Variants in AREL1 observed in about 807,000 individuals in gnomAD.
AREL1 encodes apoptosis resistant E3 ubiquitin protein ligase 1.
A neutral mutation model predicts 99.0 loss-of-function variants in AREL1; 62 were observed. The ratio of observed to expected loss-of-function variants is 0.63; its 90% CI spans 0.51 to 0.77. The LOEUF is 0.77. Among genes scored for constraint, AREL1 ranks in the 30% least tolerant of loss-of-function variants. AREL1 has a pLI of 0.00. For synonymous variants in AREL1, 380 were observed against 376.5 expected (o/e 1.01, Z -0.11); for missense variants, 879 against 1,027.6 (o/e 0.86, Z 1.98).
intron 1 of AREL1, among the ~76,000 whole-genome samples, chr14:74,708,442 C>T (rs1304167058): frequency 6.6e-6 from 1 of 152,164 alleles, no homozygotes; most frequent in Non-Finnish European, 1.5e-5. Context: ...AACTAGATCA[C>T]ACTTGGGAAG....
rs2089294237 is a variant in AREL1, at chr14:74,669,946, C to G, written c.1788+1G>C. On this transcript the variant is annotated splice_donor_variant, in intron 14 of 19. Transcript: ENST00000356357. LOFTEE classifies it high-confidence loss of function. ...TAGGAAATGCACACCCAAGATGTTACCTTGTAATGCATACGCAGTCCTATG... is the reference window on the plus strand; with the variant it reads ...TAGGAAATGCACACCCAAGATGTTAGCTTGTAATGCATACGCAGTCCTATG... The G allele has an allele frequency of 6.2e-7, 1 of 1,604,536 alleles. No homozygotes were observed. The highest frequency in any genetic ancestry group is 8.5e-7 in the Non-Finnish European group (1 of 1,174,874).
At chr14:74,684,793 A>G in intron 3 of AREL1, 113 bp from the exon 4 acceptor site, 1 of 891,346 alleles carries the variant, frequency 1.1e-6, no homozygotes, top group Non-Finnish European at 1.8e-6. Flanking sequence ...TGAGACTGTA[A>G]GACTGCCAAA....
At chr14:74,701,414 A>G (rs1161230353) in intron 1 of AREL1, among the ~76,000 whole-genome samples, 1 of 152,194 alleles carries the variant, frequency 6.6e-6, no homozygotes, top group Non-Finnish European at 1.5e-5. Flanking sequence ...CATGTCTTAC[A>G]TGGCAGCAGG....
intron 9 of AREL1, 64 bp from the exon 10 acceptor site, chr14:74,673,282 G>A (rs2089398406): frequency 6.4e-7 from 1 of 1,552,438 alleles, no homozygotes; most frequent in Admixed American, 1.7e-5. Context: ...GTCCTCCACA[G>A]CTCTATCCTG....
chr14:74,707,861 G>A (rs1309965668), intron 1 of AREL1, among the ~76,000 whole-genome samples: 3 of 151,276 alleles, frequency 2.0e-5, no homozygotes, highest in African/African-American at 7.3e-5. Flanking sequence ...GGAGGCTGAG[G>A]CGGGAGAATG....
intron 1 of AREL1, among the ~76,000 whole-genome samples, chr14:74,694,616 G>A (rs1210568416): frequency 6.6e-6 from 1 of 152,052 alleles, no homozygotes; most frequent in Non-Finnish European, 1.5e-5. Context: ...TCTATTTCTG[G>A]AGAACACATT....
At position 74,683,240 on chromosome 14, in the gene AREL1, T is replaced by A. The variant is rs2089672029; in HGVS notation, c.481+56A>T. 7 of 1,245,054 alleles carry A rather than the reference T, an allele frequency of 5.6e-6. No individual in the cohort carries two copies. In the Admixed American group the frequency reaches 1.4e-4, roughly 25 times the overall value. The allele number at this position is 1,245,054 out of a possible 1,614,324, so 77.1% of individuals were successfully genotyped here. On this transcript the variant is annotated intron_variant, in intron 5 of 19. Transcript: ENST00000356357. ...TTATTTTTAAAAAGGAAAGACAGGATGGAAAGAGAGAGAGGGAAGGAGACA... is the reference window on the plus strand; with the variant it reads ...TTATTTTTAAAAAGGAAAGACAGGAAGGAAAGAGAGAGAGGGAAGGAGACA...
chr14:74,699,666 A>G (rs1171192763), intron 1 of AREL1, among the ~76,000 whole-genome samples: 1 of 152,192 alleles, frequency 6.6e-6, no homozygotes, highest in African/African-American at 2.4e-5. Flanking sequence ...GAAATATGCC[A>G]TAGGAACTTA....
intron 1 of AREL1, among the ~76,000 whole-genome samples, chr14:74,694,570 T>C (rs1230591614): frequency 6.6e-6 from 1 of 152,216 alleles, no homozygotes; most frequent in Non-Finnish European, 1.5e-5. Flanking sequence ...TTAGTGTTTT[T>C]CAAATTCTTA....
intron 1 of AREL1, among the ~76,000 whole-genome samples, chr14:74,705,401 T>TGAA (rs2090159773): frequency 1.3e-5 from 2 of 152,156 alleles, no homozygotes; most frequent in African/African-American, 4.8e-5. Context: ...TTTCCTCTCT[T>TGAA]CAATCTAGTA....
chr14:74,708,806 C>A (rs2090230171), intron 1 of AREL1, among the ~76,000 whole-genome samples: 1 of 152,134 alleles, frequency 6.6e-6, no homozygotes, highest in South Asian at 2.1e-4. Flanking sequence ...GACTAAATGA[C>A]AAAACATGTA....
intron 5 of AREL1, among the ~76,000 whole-genome samples, chr14:74,679,844 TAATA>T (rs141206776): frequency 0.25 from 38,049 of 150,388 alleles, 5,051 homozygotes; most frequent in South Asian, 0.35. Flanking sequence ...AAGAAAATAA[TAATA>T]AATAAATAAA....
intron 17 of AREL1, among the ~76,000 whole-genome samples, chr14:74,667,073 G>A (rs1010213067): frequency 6.6e-5 from 10 of 152,076 alleles, no homozygotes. Flanking sequence ...CATAAATAAT[G>A]AGCTACTTGC....
At chr14:74,684,723 AT>A (rs1222135223) in intron 3 of AREL1, 43 bp from the exon 4 acceptor site, 2 of 1,568,490 alleles carry the variant, frequency 1.3e-6, no homozygotes, top group South Asian at 2.2e-5. Context: ...CCAGTTACAC[AT>A]TACAGCTTTT....
intron 1 of AREL1, among the ~76,000 whole-genome samples, chr14:74,708,744 C>G (rs2090229451): frequency 6.6e-6 from 1 of 152,192 alleles, no homozygotes; most frequent in Non-Finnish European, 1.5e-5. Flanking sequence ...GCAAATTGCT[C>G]AACTATTCAA....
intron 2 of AREL1, among the ~76,000 whole-genome samples, chr14:74,688,685 C>T (rs147050051): frequency 6.6e-6 from 1 of 152,266 alleles, no homozygotes; most frequent in East Asian, 1.9e-4. Context: ...CACTGCTCTA[C>T]AACAGCTCTC....
rs1317126365 is a variant in AREL1, at chr14:74,665,297, TCTCA to T, written c.2104-376_2104-373del. ...TTTTTTTTTTTTTTTTGAGACGGAG[TCTCA>T]CTGTCTCGGCTCACTGCAACCTCCA... On this transcript the variant is annotated intron_variant, in intron 17 of 19. Transcript: ENST00000356357. 4.9e-5 allele frequency among the ~76,000 whole-genome samples: 7 copies of T among 143,614 alleles called. No homozygotes were observed. The South Asian group carries it at 6.6e-4, about 13-fold the overall frequency. The allele number at this position is 143,614 out of a possible 152,430, so 94.2% of individuals were successfully genotyped here.
At position 74,664,448 on chromosome 14, in the gene AREL1, CTTTTTTTTTTT is replaced by C. The variant is rs56728679; in HGVS notation, c.2193+377_2194-375del. 6.5e-5 allele frequency among the ~76,000 whole-genome samples: 5 copies of C among 76,900 alleles called. No individual in the cohort carries two copies. In the South Asian group the frequency reaches 1.7e-3, roughly 26 times the overall value. The allele number at this position is 76,900 out of a possible 152,430, so 50.4% of individuals were successfully genotyped here. ...CCCTACTTTTTTCTTCTTTTCCTTT[CTTTTTTTTTTT>C]TTTTTTTTTTTTGAGAAAGAGTCTC... On this transcript the variant is annotated intron_variant, in intron 18 of 19. Coordinates refer to ENST00000356357, the MANE Select transcript of AREL1 (RefSeq NM_001039479.2).
chr14:74,684,616 T>C lies in AREL1; in HGVS notation c.81A>G (p.Ala27=). 1.9e-6 allele frequency: 3 copies of C among 1,614,146 alleles called. No homozygotes were observed. Among genetic ancestry groups the C allele is most frequent in the Non-Finnish European group, 2.5e-6 (3 of 1,180,004 alleles). The change falls in exon 4 of 20, where the codon GCA becomes GCG. Residue 27 remains alanine (A), a synonymous_variant. Coordinates refer to ENST00000356357, the MANE Select transcript of AREL1 (RefSeq NM_001039479.2). The part of the protein sequence containing the change: ...FTIKFLFELA[A]RVVSFLQNED... ...CATTCTGGAGGAAGCTGACTACACG[T>C]GCGGCAAGCTCAAAGAGGAACTTAA...
Sources: gnomAD v4.1 joint callset for allele counts (sites outside exome capture counted in the v4.1 genomes callset) on GRCh38, gnomAD v4.1.1 for gene constraint, MANE v1.5 for transcripts, NCBI Gene and HGNC (gene_info 2026-07-23, HGNC 2026-07-21) for gene names.